Variants in WDR97 observed in about 807,000 individuals in gnomAD.
The protein encoded by WDR97 is WD repeat-containing protein 97.
In WDR97, 111 loss-of-function variants were observed where a neutral mutation model predicts 65.4. The observed-to-expected ratio is 1.70, with a 90% CI of 1.45 to 1.99. The LOEUF (loss-of-function observed/expected upper bound fraction) is 1.99, where lower values mean the gene tolerates loss of function less well. WDR97 is among the 30% of genes most tolerant of loss of function. WDR97 has a pLI of 0.00. For missense variants in WDR97, 1,674 were observed against 865.0 expected (o/e 1.94, Z -11.73); for synonymous variants, 802 against 397.7 (o/e 2.02, Z -12.10).
intron 10 of WDR97, 70 bp downstream of exon 10, chr8:144,111,292 T>C (rs1395282670): frequency 2.8e-6 from 2 of 702,478 alleles, no homozygotes; most frequent in African/African-American, 3.5e-5. Context: ...CCTGGCGGTG[T>C]GGGGCCCTCT....
In WDR97 at chr8:144,112,307, G is replaced by A. The variant is rs979219831; in HGVS notation, c.2979G>A (p.Thr993=). The change falls in exon 14 of 24, where the codon ACG becomes ACA. Residue 993 remains threonine (T), a synonymous_variant. Transcript: ENST00000323662. ...QLQLEQLRGR[T]TMALDLPSSH... is the part of the protein sequence containing the mutation. ...AGTTGGAGCAGCTCCGAGGGAGGAC[G>A]ACCATGGCCCTGGACCTGCCATCCT... is the stretch of plus-strand genomic sequence containing the variant. The A allele has an allele frequency of 3.6e-5, 25 of 702,612 alleles. No individual in the cohort carries two copies. Among genetic ancestry groups the A allele is most frequent in the Admixed American group, 3.4e-4 (17 of 49,988 alleles). The allele number at this position is 702,612 out of a possible 1,614,324, so 43.5% of individuals were successfully genotyped here.
At position 144,114,080 on chromosome 8, in the gene WDR97, A is replaced by G. The variant is rs1485101195; in HGVS notation, c.3512A>G (p.His1171Arg). ...CATGGGAGTTTGCTCTTGGATGAGCATTACGGGCATCTGCCCAAGTTTCTG... is the reference window on the plus strand; with the variant it reads ...CATGGGAGTTTGCTCTTGGATGAGCGTTACGGGCATCTGCCCAAGTTTCTG... ...HRHGSLLLDE[H>R]YGHLPKFLHF... Residue 1171 changes from histidine to arginine, a missense_variant, in exon 18 of 24, where the codon CAT becomes CGT. Coordinates refer to ENST00000323662, the MANE Select transcript of WDR97 (RefSeq NM_001316309.2). 2.6e-5 allele frequency: 18 copies of G among 702,742 alleles called. No individual in the cohort carries two copies. The highest frequency in any genetic ancestry group is 3.9e-5 in the Non-Finnish European group (15 of 385,006). 43.5% of individuals were successfully genotyped at this position (702,742 alleles called of 1,614,324 possible). A position where few individuals can be genotyped will look rare whatever the true frequency, so the allele number is the denominator to read the frequency against.
Position 144,109,911 on chromosome 8 carries a change from G to C in WDR97, c.1577G>C (p.Cys526Ser). Residue 526 changes from cysteine to serine, a missense_variant, in exon 5 of 24, where the codon TGT (cysteine) becomes TCT (serine). Coordinates refer to ENST00000323662, the MANE Select transcript of WDR97 (RefSeq NM_001316309.2). ...CCGCCCCCTGCGCCGCAGCCTTGCT[G>C]TCTGCACCTGTACAGCCACCTCACG... The part of the protein sequence containing the change: ...PPPPPAPQPC[C>S]LHLYSHLTDL... 1 of 702,078 alleles carries C rather than the reference G, an allele frequency of 1.4e-6. No individual in the cohort carries two copies. The highest frequency in any genetic ancestry group is 1.5e-5 in the South Asian group (1 of 67,578). 43.5% of individuals were successfully genotyped at this position (702,078 alleles called of 1,614,324 possible).
Position 144,109,761 on chromosome 8 carries a change from G to T in WDR97, c.1427G>T (p.Cys476Phe). ...VSSLLLEPED[C>F]AAAVAYCLPR... The stretch of plus-strand genomic sequence containing the variant: ...TCACTGCTGCTGGAGCCGGAGGACT[G>T]CGCGGCAGCCGTGGCCTACTGCCTG... The change falls in exon 5 of 24, where the codon TGC (cysteine) becomes TTC (phenylalanine). Residue 476 changes from cysteine (C) to phenylalanine (F), a missense_variant. Physicochemically the swap from Cys to Phe is radical, Grantham distance 205. Coordinates refer to ENST00000323662, the MANE Select transcript of WDR97 (RefSeq NM_001316309.2). 1 of 678,408 alleles carries T rather than the reference G, an allele frequency of 1.5e-6. No individual in the cohort carries two copies. Among genetic ancestry groups the T allele is most frequent in the Non-Finnish European group, 2.7e-6 (1 of 375,544 alleles). 42.0% of individuals were successfully genotyped at this position (678,408 alleles called of 1,614,324 possible).
In WDR97 at chr8:144,113,944, A is replaced by G. The variant is rs758690662; in HGVS notation, c.3409-33A>G. On this transcript the variant is annotated intron_variant, in intron 17 of 23. Transcript: ENST00000323662. ...GGTGGGCTTACACTGAGACCCAGAC[A>G]GGTGGGACCTGCAGCCACTGCTGCT... is the stretch of plus-strand genomic sequence containing the variant. 202 of 696,414 alleles carry G rather than the reference A, an allele frequency of 2.9e-4. No homozygotes were observed. In the African/African-American group the frequency reaches 3.1e-3, roughly 11 times the overall value. The allele number at this position is 696,414 out of a possible 1,614,324, so 43.1% of individuals were successfully genotyped here. A position where few individuals can be genotyped will look rare whatever the true frequency, so the allele number is the denominator to read the frequency against.
Position 144,112,562 on chromosome 8 carries a change from C to T in WDR97, c.3105+32C>T, listed in dbSNP as rs1200162297. The T allele has an allele frequency of 1.7e-5, 12 of 702,532 alleles. No homozygotes were observed. In the South Asian group the frequency reaches 1.8e-4, roughly 10 times the overall value. The allele number at this position is 702,532 out of a possible 1,614,324, so 43.5% of individuals were successfully genotyped here. A position where few individuals can be genotyped will look rare whatever the true frequency, so the allele number is the denominator to read the frequency against. On this transcript the variant is annotated intron_variant, in intron 15 of 23. Transcript: ENST00000323662. ...CCCCCTCCCAGCTCCTGGAGAGCCA[C>T]TCCTCTCCAGGCATCACTCTTGTGC... is the stretch of plus-strand genomic sequence containing the variant.
chr8:144,108,004 T>G, intron 1 of WDR97, 55 bp from the exon 2 acceptor site: 1 of 702,448 alleles, frequency 1.4e-6, no homozygotes, highest in Non-Finnish European at 2.6e-6. Flanking sequence ...CCCATAACCG[T>G]CAGGGTCGAG....
chr8:144,114,715 AG>A, intron 20 of WDR97, 33 bp from the exon 21 acceptor site: 1 of 702,458 alleles, frequency 1.4e-6, no homozygotes, highest in East Asian at 2.7e-5. Flanking sequence ...GCCACTGGGA[AG>A]GCCTCTGGAC....
rs1036061009 is a variant in WDR97, at chr8:144,111,084, C to A, written c.2305-17C>A. On this transcript the variant is annotated splice_polypyrimidine_tract_variant and intron_variant, in intron 9 of 23. Transcript: ENST00000323662. ...AGGTTCCCCCAGCCAGGGATACAGGCTCCTTCCCCTATTCAGAAGATGTGC... is the reference window on the plus strand; with the variant it reads ...AGGTTCCCCCAGCCAGGGATACAGGATCCTTCCCCTATTCAGAAGATGTGC... The A allele has an allele frequency of 2.8e-6, 2 of 702,740 alleles. No individual in the cohort carries two copies. The highest frequency in any genetic ancestry group is 3.5e-5 in the African/African-American group (2 of 57,254). 43.5% of individuals were successfully genotyped at this position (702,740 alleles called of 1,614,324 possible).
intron 12 of WDR97, 28 bp from the exon 13 acceptor site, chr8:144,111,859 T>C: frequency 1.4e-6 from 1 of 701,294 alleles, no homozygotes; most frequent in Middle Eastern, 2.3e-4. Context: ...TGGTCTCTGA[T>C]GGTCTGTCTG....
At position 144,114,569 on chromosome 8, in the gene WDR97, A is replaced by T. The variant is rs1341656343; in HGVS notation, c.3808A>T (p.Lys1270Ter). ...CCTGCCTCAGGACCAGACACAGAAG[A>T]AGTTCGTGATACTGGCGCTGCAGCT... The part of the protein sequence containing the change: ...PPSLQDQTQK[K>*]FVILALQLLL... Residue 1270 changes from lysine to a stop codon, truncating the protein, a stop_gained, in exon 20 of 24, where the codon AAG (lysine) becomes TAG (stop). Transcript: ENST00000323662. LOFTEE classifies it high-confidence loss of function. The T allele has an allele frequency of 2.8e-6, 2 of 702,688 alleles. No individual in the cohort carries two copies. The highest frequency in any genetic ancestry group is 2.7e-5 in the East Asian group (1 of 37,286). The allele number at this position is 702,688 out of a possible 1,614,324, so 43.5% of individuals were successfully genotyped here. A position where few individuals can be genotyped will look rare whatever the true frequency, so the allele number is the denominator to read the frequency against.
At position 144,108,090 on chromosome 8, in the gene WDR97, G is replaced by T. The variant is rs1378326273; in HGVS notation, c.144G>T (p.Leu48=). ...ELTFTEPSQV[L]PFLTSSQQWQ... ...CTTTCACGGAGCCGTCGCAGGTCCT[G>T]CCCTTTTTGACCAGCAGCCAACAGT... Residue 48 remains leucine, a synonymous_variant, in exon 2 of 24, where the codon CTG becomes CTT. Coordinates refer to ENST00000323662, the MANE Select transcript of WDR97 (RefSeq NM_001316309.2). 7 of 702,766 alleles carry T rather than the reference G, an allele frequency of 1.0e-5. No individual in the cohort carries two copies. In the South Asian group the frequency reaches 1.0e-4, roughly 10 times the overall value. 43.5% of individuals were successfully genotyped at this position (702,766 alleles called of 1,614,324 possible). A position where few individuals can be genotyped will look rare whatever the true frequency, so the allele number is the denominator to read the frequency against.
rs934813566 is a variant in WDR97, at chr8:144,116,541, G to A, written c.*248G>A. 9.3e-5 allele frequency: 43 copies of A among 464,544 alleles called. No homozygotes were observed. The highest frequency in any genetic ancestry group is 8.2e-4 in the African/African-American group (40 of 48,696). 28.8% of individuals were successfully genotyped at this position (464,544 alleles called of 1,614,324 possible). ...GTTCCCGGAGGGGTGGCCGGCCTAG[G>A]GCAGAGGAGACCCATAGCGGGGTAC... On this transcript the variant is annotated 3_prime_UTR_variant, in exon 24 of 24. Transcript: ENST00000323662.
At position 144,114,914 on chromosome 8, in the gene WDR97, T is replaced by C. The variant is rs1392199793; in HGVS notation, c.4077+3T>C. 2.0e-5 allele frequency: 14 copies of C among 689,306 alleles called. No individual in the cohort carries two copies. In the East Asian group the frequency reaches 3.8e-4, roughly 19 times the overall value. The allele number at this position is 689,306 out of a possible 1,614,324, so 42.7% of individuals were successfully genotyped here. ...AGGACATGATCCAGGAGCTTCAGGT[T>C]GGGCCGGCAGGGGCCGGGGGGGCCT... On this transcript the variant is annotated splice_donor_region_variant and intron_variant, in intron 21 of 23. Transcript: ENST00000323662.
At position 144,116,470 on chromosome 8, in the gene WDR97, G is replaced by A. The variant is rs983332082; in HGVS notation, c.*177G>A. On this transcript the variant is annotated 3_prime_UTR_variant, in exon 24 of 24. Coordinates refer to ENST00000323662, the MANE Select transcript of WDR97 (RefSeq NM_001316309.2). ...GCCTGAACCCACAGTGGCGGCGGAAGGCAGGAGCCGGAGGCCTGGCGGAGG... is the reference window on the plus strand; with the variant it reads ...GCCTGAACCCACAGTGGCGGCGGAAAGCAGGAGCCGGAGGCCTGGCGGAGG... 11 of 500,190 alleles carry A rather than the reference G, an allele frequency of 2.2e-5. No homozygotes were observed. The highest frequency in any genetic ancestry group is 9.5e-4 in the Middle Eastern group (2 of 2,114). The allele number at this position is 500,190 out of a possible 1,614,324, so 31.0% of individuals were successfully genotyped here. A position where few individuals can be genotyped will look rare whatever the true frequency, so the allele number is the denominator to read the frequency against.
intron 16 of WDR97, 68 bp from the exon 17 acceptor site, chr8:144,113,587 GGT>G: frequency 1.5e-6 from 1 of 670,268 alleles, no homozygotes. Flanking sequence ...CAGGGCTGGG[GGT>G]TTTGCCGGCA....
Position 144,108,477 on chromosome 8 carries a change from C to T in WDR97, c.411C>T (p.Asp137=). 1.4e-6 allele frequency: 1 copy of T among 700,608 alleles called. No individual in the cohort carries two copies. Among genetic ancestry groups the T allele is most frequent in the Non-Finnish European group, 2.6e-6 (1 of 384,152 alleles). The allele number at this position is 700,608 out of a possible 1,614,324, so 43.4% of individuals were successfully genotyped here. A position where few individuals can be genotyped will look rare whatever the true frequency, so the allele number is the denominator to read the frequency against. ...GCCGCCTGCACCTGCACAAGGAAGA[C>T]GGCTGGGCACAGGAGACGCTGCTGG... ...GAGRLHLHKE[D]GWAQETLLAP... Residue 137 remains aspartate, a synonymous_variant, in exon 3 of 24, where the codon GAC becomes GAT. Coordinates refer to ENST00000323662, the MANE Select transcript of WDR97 (RefSeq NM_001316309.2).
chr8:144,113,576 G>A, intron 16 of WDR97, 59 bp downstream of exon 16: 1 of 680,454 alleles, frequency 1.5e-6, no homozygotes, highest in Admixed American at 2.1e-5. Context: ...GAGGCAAGGG[G>A]CAGGGCTGGG....
Position 144,115,846 on chromosome 8 carries a change from C to T in WDR97, c.4583C>T (p.Pro1528Leu), listed in dbSNP as rs1017512437. Reference sequence around the variant, plus strand: ...GTGCCCGACATGGTGGTGCCACCTCCGCGGGAGCACTGGTGCGCGGGGCCT... The same window carrying T: ...GTGCCCGACATGGTGGTGCCACCTCTGCGGGAGCACTGGTGCGCGGGGCCT... ...APVPDMVVPP[P>L]REHWYHPILR... Residue 1528 changes from proline to leucine, a missense_variant, in exon 22 of 24, where the codon CCG becomes CTG. Transcript: ENST00000323662. The T allele has an allele frequency of 2.5e-5, 17 of 689,696 alleles. No individual in the cohort carries two copies. Among genetic ancestry groups the T allele is most frequent in the South Asian group, 4.5e-5 (3 of 66,404 alleles). 42.7% of individuals were successfully genotyped at this position (689,696 alleles called of 1,614,324 possible). A position where few individuals can be genotyped will look rare whatever the true frequency, so the allele number is the denominator to read the frequency against.
Sources: allele counts gnomAD v4.1 joint callset, GRCh38; gene constraint gnomAD v4.1.1; transcripts MANE v1.5; gene names NCBI Gene and HGNC (gene_info 2026-07-23, HGNC 2026-07-21).